The following FGD5 variants were observed in gnomAD, a reference collection of about 807,000 sequenced individuals.
The protein encoded by FGD5 is FYVE, RhoGEF and PH domain-containing protein 5.
Under a neutral mutation model 133.4 loss-of-function variants are expected in FGD5, and 28 were observed. The observed-to-expected ratio is 0.21, with a 90% CI of 0.16 to 0.29. FGD5 has a LOEUF of 0.29. FGD5 is among the 10% of genes least tolerant of loss of function. FGD5 has a pLI of 1.00. For synonymous variants in FGD5, 810 were observed against 776.5 expected, an observed-to-expected ratio of 1.04 and a Z score of -0.72; for missense variants, 1,858 against 1,895.2, an observed-to-expected ratio of 0.98 and a Z score of 0.36.
chr3:14,927,513 A>G (rs757703397), intron 18 of FGD5, among the ~76,000 whole-genome samples: 5 of 149,420 alleles, frequency 3.3e-5, no homozygotes, highest in Non-Finnish European at 5.9e-5. Context: ...GTATGACTCC[A>G]AAACAGTTTC....
chr3:14,931,110 C>CT (rs1278761081), intron 18 of FGD5: 1 of 152,090 alleles, frequency 6.6e-6, no homozygotes, highest in Non-Finnish European at 1.5e-5. Flanking sequence ...CCATTCTTGC[C>CT]TTGTTTCCAA....
intron 1 of FGD5, among the ~76,000 whole-genome samples, chr3:14,829,561 G>T (rs2036667756): frequency 6.6e-6 from 1 of 152,206 alleles, no homozygotes; most frequent in South Asian, 2.1e-4. Context: ...GGGCTAGATT[G>T]CATCTGCCTT....
chr3:14,933,151 A>G lies in FGD5; in HGVS notation c.4373A>G (p.Asp1458Gly), dbSNP rs749834224. 3 of 1,613,748 alleles carry G rather than the reference A, an allele frequency of 1.9e-6. No individual in the cohort carries two copies. The South Asian group carries it at 3.3e-5, about 18-fold the overall frequency. ...SAQRWIEAME[D>G]ASVL Reference sequence around the variant, plus strand: ...TATAGGTGGATCGAGGCCATGGAAGATGCGAGTGTGTTATAGCAGTTATCA... The same window carrying G: ...TATAGGTGGATCGAGGCCATGGAAGGTGCGAGTGTGTTATAGCAGTTATCA... Residue 1458 changes from aspartate to glycine, a missense_variant, in exon 20 of 20, where the codon GAT becomes GGT. Physicochemically the swap from Asp to Gly is moderately conservative, Grantham distance 94. Transcript: ENST00000285046.
At chr3:14,851,612 A>G (rs1053443343) in intron 1 of FGD5, among the ~76,000 whole-genome samples, 1 of 152,218 alleles carries the variant, frequency 6.6e-6, no homozygotes, top group African/African-American at 2.4e-5. Context: ...CTGAGACACC[A>G]TCACAGTGGT....
chr3:14,871,182 G>C (rs973100470), intron 2 of FGD5, among the ~76,000 whole-genome samples: 2 of 152,164 alleles, frequency 1.3e-5, no homozygotes, highest in African/African-American at 4.8e-5. Flanking sequence ...CTGTAGTCTT[G>C]TTCTTCATTC....
chr3:14,812,045 T>C (rs1403516156), intron 1 of FGD5, among the ~76,000 whole-genome samples: 1 of 151,562 alleles, frequency 6.6e-6, no homozygotes, highest in African/African-American at 2.4e-5. Flanking sequence ...TATGTGTGTG[T>C]GTGTGTAGGA....
intron 17 of FGD5, 57 bp from the exon 18 acceptor site, chr3:14,926,013 G>C: frequency 1.9e-6 from 3 of 1,603,878 alleles, no homozygotes; most frequent in Non-Finnish European, 2.5e-6. Context: ...ATTGTGCTCT[G>C]TTTGAACTGT....
At chr3:14,905,630 C>T (rs73814865) in intron 9 of FGD5, among the ~76,000 whole-genome samples, 5,583 of 152,086 alleles carry the variant, frequency 0.037, 215 homozygotes, top group East Asian at 0.11. Flanking sequence ...TGGACGCTCA[C>T]GTATGGTTTC....
intron 1 of FGD5, among the ~76,000 whole-genome samples, chr3:14,811,034 C>G (rs755879032): frequency 7.3e-5 from 11 of 150,748 alleles, no homozygotes; most frequent in Non-Finnish European, 1.0e-4. Flanking sequence ...GTCCTCTCGC[C>G]GAGGAGGCTG....
At chr3:14,857,344 G>A (rs1437370727) in intron 1 of FGD5, among the ~76,000 whole-genome samples, 1 of 151,972 alleles carries the variant, frequency 6.6e-6, no homozygotes, top group Non-Finnish European at 1.5e-5. Flanking sequence ...TTTTAGAGAC[G>A]GGATCTCATT....
At chr3:14,900,365 C>T (rs1454898236) in intron 7 of FGD5, 38 bp from the exon 8 acceptor site, 1 of 1,605,638 alleles carries the variant, frequency 6.2e-7, no homozygotes, top group Admixed American at 1.7e-5. Flanking sequence ...GGGCTGACCT[C>T]ACCAGTAGCT....
chr3:14,868,058 A>G (rs916830629), intron 2 of FGD5, among the ~76,000 whole-genome samples: 28 of 151,978 alleles, frequency 1.8e-4, no homozygotes, highest in Non-Finnish European at 3.2e-4. Flanking sequence ...CCTCGCTCCC[A>G]CTCGTAGACA....
rs184418518 is a variant in FGD5 at position 14,867,051 on chromosome 3, G to C, written c.2658+2791G>C. ...CCTCCCCCTCATTCTTCTTTATAAG[G>C]CTTGCATTATATACCAGAATTGAAG... On this transcript the variant is annotated intron_variant, in intron 2 of 19. Coordinates refer to ENST00000285046, the MANE Select transcript of FGD5 (RefSeq NM_152536.4). Among the ~76,000 whole-genome samples the C allele has an allele frequency of 1.2e-4, 18 of 152,306 alleles. No homozygotes were observed. The East Asian group carries it at 3.3e-3, about 28-fold the overall frequency.
intron 1 of FGD5, among the ~76,000 whole-genome samples, chr3:14,855,401 G>GTTCTA (rs894011334): frequency 5.3e-4 from 80 of 152,250 alleles, no homozygotes; most frequent in African/African-American, 1.9e-3. Context: ...TCACATGGTA[G>GTTCTA]TTCTATTTGT....
In FGD5 at chr3:14,897,694, T is replaced by C. The variant is rs779545692; in HGVS notation, c.2909+25T>C. 6 of 1,569,418 alleles carry C rather than the reference T, an allele frequency of 3.8e-6. No individual in the cohort carries two copies. The Admixed American group carries it at 6.0e-5, about 16-fold the overall frequency. On this transcript the variant is annotated intron_variant, in intron 5 of 19. Transcript: ENST00000285046. ...GGTGAGCAGTCCCTGGACCCCCGGG[T>C]TCCACTTTTGTTGCACTGGGGGAAT... is the stretch of plus-strand genomic sequence containing the variant.
intron 1 of FGD5, among the ~76,000 whole-genome samples, chr3:14,843,323 C>G (rs532501322): frequency 6.6e-6 from 1 of 152,130 alleles, no homozygotes; most frequent in South Asian, 2.1e-4. Flanking sequence ...GCATCCTCTG[C>G]GTGTGGCAAG....
intron 1 of FGD5, among the ~76,000 whole-genome samples, chr3:14,854,235 C>T (rs1439025659): frequency 6.6e-6 from 1 of 152,110 alleles, no homozygotes; most frequent in African/African-American, 2.4e-5. Flanking sequence ...CCACCTGGCC[C>T]TTTTCCCGTT....
rs1036642077 is a variant in FGD5 at position 14,820,799 on chromosome 3, A to G, written c.1728A>G (p.Ile576Met). 5 of 1,613,722 alleles carry G rather than the reference A, an allele frequency of 3.1e-6. No individual in the cohort carries two copies. The highest frequency in any genetic ancestry group is 1.3e-5 in the African/African-American group (1 of 74,868). Reference sequence around the variant, plus strand: ...GGTCAGGGTTGGATGACCACAGGATAAAGAGGAAAGAGGACAATCTCTCTC... The same window carrying G: ...GGTCAGGGTTGGATGACCACAGGATGAAGAGGAAAGAGGACAATCTCTCTC... ...PEGSGLDDHR[I>M]KRKEDNLSLS... Residue 576 changes from isoleucine to methionine, a missense_variant, in exon 1 of 20, where the codon ATA becomes ATG. By Grantham distance (10) the Ile-to-Met change is conservative. This residue lies in a region of FGD5 where 1,824 missense variants were observed against 1,848.9 expected (regional missense o/e 0.99). Transcript: ENST00000285046.
intron 4 of FGD5, among the ~76,000 whole-genome samples, chr3:14,886,894 A>G (rs2037935469): frequency 6.6e-6 from 1 of 152,200 alleles, no homozygotes; most frequent in Admixed American, 6.5e-5. Flanking sequence ...GTTGGAAAAC[A>G]TATTTTTTAT....
Sources: gnomAD v4.1 joint callset for allele counts (sites outside exome capture counted in the v4.1 genomes callset) on GRCh38, gnomAD v4.1.1 for gene constraint, gnomAD v4.1.1 regional missense constraint, MANE v1.5 for transcripts, NCBI Gene and HGNC (gene_info 2026-07-23, HGNC 2026-07-21) for gene names.